CPVL: variants seen among roughly 807,000 people sequenced by gnomAD.
CPVL encodes probable serine carboxypeptidase CPVL.
In CPVL, 51 loss-of-function variants were observed where a neutral mutation model predicts 63.7. The observed-to-expected ratio is 0.80, with a 90% CI of 0.64 to 1.01. The LOEUF (loss-of-function observed/expected upper bound fraction) is 1.01. CPVL is among the 50% of genes least tolerant of loss of function. The pLI is 0.00. For missense variants in CPVL, 530 were observed against 573.1 expected (o/e 0.92, Z 0.77); for synonymous variants, 195 against 206.0 (o/e 0.95, Z 0.46).
rs115847506 is a variant in CPVL at position 29,167,689 on chromosome 7, A to G, written c.-11+13601T>C. ...CACCAATATTTGGTTTTGTCAGACT[A>G]TATAGTTTTGCCAATCTGATAGAAA... is the stretch of plus-strand genomic sequence containing the variant. On this transcript the variant is annotated intron_variant, in intron 5 of 16. Transcript: ENST00000409850. 6.1e-3 allele frequency among the ~76,000 whole-genome samples: 926 copies of G among 152,308 alleles called. 11 individuals carry two copies. Among genetic ancestry groups the G allele is most frequent in the African/African-American group, 0.021 (880 of 41,586 alleles).
intron 1 of CPVL, among the ~76,000 whole-genome samples, chr7:29,131,333 A>C (rs943266153): frequency 6.6e-6 from 1 of 152,234 alleles, no homozygotes; most frequent in African/African-American, 2.4e-5. Flanking sequence ...GGATAATCCT[A>C]GTAAATGTGG....
At chr7:29,042,556 G>T (rs1789213863) in intron 11 of CPVL, among the ~76,000 whole-genome samples, 1 of 152,136 alleles carries the variant, frequency 6.6e-6, no homozygotes, top group Non-Finnish European at 1.5e-5. Context: ...AGTGAGCTAT[G>T]ATTATGACAC....
intron 1 of CPVL, among the ~76,000 whole-genome samples, chr7:29,125,883 ACT>A (rs1789963789): frequency 6.6e-6 from 1 of 152,140 alleles, no homozygotes; most frequent in African/African-American, 2.4e-5. Flanking sequence ...TTTAGAAACA[ACT>A]CTGTAATAAC....
intron 5 of CPVL, among the ~76,000 whole-genome samples, chr7:29,169,842 A>G (rs57113195): frequency 0.027 from 4,112 of 151,270 alleles, 110 homozygotes; most frequent in African/African-American, 0.068. Flanking sequence ...ATATACACAC[A>G]TATATATAAG....
At chr7:29,082,179 A>C (rs1459101328) in intron 7 of CPVL, 1 of 148,056 alleles carries the variant, frequency 6.8e-6, no homozygotes, top group Non-Finnish European at 1.5e-5. Context: ...CAGCAGCGAG[A>C]GGGAAAATGG....
chr7:29,176,065 A>G (rs1797284794), intron 5 of CPVL, among the ~76,000 whole-genome samples: 2 of 152,132 alleles, frequency 1.3e-5, no homozygotes, highest in East Asian at 3.9e-4. Context: ...GGGCGCCTGT[A>G]GTCCCAGCTA....
At chr7:29,034,744 T>A (rs1451049138) in intron 11 of CPVL, among the ~76,000 whole-genome samples, 1 of 151,874 alleles carries the variant, frequency 6.6e-6, no homozygotes, top group Non-Finnish European at 1.5e-5. Context: ...ATCACCATGT[T>A]GCCAAGGCTG....
intron 12 of CPVL, chr7:29,011,040 A>G (rs1272035309): frequency 6.6e-6 from 1 of 152,228 alleles, no homozygotes; most frequent in East Asian, 1.9e-4. Flanking sequence ...TGGTAACAAA[A>G]GTAGTTAGAA....
intron 7 of CPVL, among the ~76,000 whole-genome samples, chr7:29,077,360 C>T (rs1784336192): frequency 6.6e-6 from 1 of 152,164 alleles, no homozygotes. Flanking sequence ...GTACACATTT[C>T]ATGGTGAAAA....
At chr7:29,188,595 G>T (rs1044092219) in intron 1 of CPVL, among the ~76,000 whole-genome samples, 1 of 151,990 alleles carries the variant, frequency 6.6e-6, no homozygotes, top group Non-Finnish European at 1.5e-5. Context: ...TACAGGGAAA[G>T]AAATGAAAAT....
chr7:29,038,890 G>A (rs2128161628), intron 11 of CPVL, among the ~76,000 whole-genome samples: 1 of 152,284 alleles, frequency 6.6e-6, no homozygotes, highest in East Asian at 1.9e-4. Flanking sequence ...GCTCACTTGT[G>A]TATGTAGTGT....
intron 3 of CPVL, among the ~76,000 whole-genome samples, chr7:29,111,167 AAAG>A (rs768942564): frequency 4.5e-4 from 68 of 152,266 alleles, no homozygotes; most frequent in Non-Finnish European, 2.1e-4. Context: ...AAACTAATAT[AAAG>A]AAGTTACTGC....
At chr7:29,033,051 AG>A (rs1328070824) in intron 11 of CPVL, among the ~76,000 whole-genome samples, 4 of 152,224 alleles carry the variant, frequency 2.6e-5, no homozygotes, top group Non-Finnish European at 4.4e-5. Context: ...GGCAATGTGT[AG>A]AAGGTCTACT....
intron 11 of CPVL, among the ~76,000 whole-genome samples, chr7:29,045,916 A>T (rs546930772): frequency 1.3e-5 from 2 of 152,290 alleles, no homozygotes; most frequent in African/African-American, 4.8e-5. Context: ...TGGGATAAGT[A>T]AATAGAACTC....
At chr7:29,063,424 C>G (rs894571715) in intron 11 of CPVL, among the ~76,000 whole-genome samples, 1 of 152,162 alleles carries the variant, frequency 6.6e-6, no homozygotes, top group African/African-American at 2.4e-5. Context: ...CAAAGCAACA[C>G]ATAAGAGAAA....
chr7:29,080,243 C>T (rs564147597), intron 7 of CPVL: 1 of 151,992 alleles, frequency 6.6e-6, no homozygotes, highest in Admixed American at 6.6e-5. Context: ...ACATGTACAC[C>T]CAAACCTAAA....
intron 5 of CPVL, among the ~76,000 whole-genome samples, chr7:29,170,991 T>C (rs936575748): frequency 6.6e-6 from 1 of 152,110 alleles, no homozygotes; most frequent in Non-Finnish European, 1.5e-5. Context: ...TCCCACAACA[T>C]GTCGGAATTC....
At chr7:29,028,861 A>C (rs1787745710) in intron 12 of CPVL, among the ~76,000 whole-genome samples, 2 of 151,294 alleles carry the variant, frequency 1.3e-5, no homozygotes, top group South Asian at 4.2e-4. Flanking sequence ...GCTACTCGGA[A>C]GGCTGAGGCA....
At chr7:29,055,775 T>C (rs543987101) in intron 11 of CPVL, among the ~76,000 whole-genome samples, 1 of 152,332 alleles carries the variant, frequency 6.6e-6, no homozygotes, top group South Asian at 2.1e-4. Context: ...AGAATTCCCT[T>C]CTCTGCCTTT....
Sources: allele counts gnomAD v4.1 joint callset (sites outside exome capture counted in the v4.1 genomes callset), GRCh38; gene constraint gnomAD v4.1.1; transcripts MANE v1.5; gene names NCBI Gene and HGNC (gene_info 2026-07-23, HGNC 2026-07-21).